Variants in STAB1 observed in about 807,000 individuals in gnomAD.
The protein encoded by STAB1 is stabilin 1.
In STAB1, 250 loss-of-function variants were observed where a neutral mutation model predicts 332.4. The ratio of observed to expected loss-of-function variants is 0.75; its 90% CI spans 0.68 to 0.84. The LOEUF (loss-of-function observed/expected upper bound fraction) is 0.84. STAB1 is among the 40% of genes least tolerant of loss of function. STAB1 has a pLI of 0.00. For missense variants in STAB1, 3,249 were observed against 3,489.7 expected (o/e 0.93, Z 1.74); for synonymous variants, 1,475 against 1,390.4 (o/e 1.06, Z -1.35).
At chr3:52,521,286 T>C in intron 55 of STAB1, 75 bp from the exon 56 acceptor site, 2 of 1,593,588 alleles carry the variant, frequency 1.3e-6, no homozygotes, top group Non-Finnish European at 1.7e-6. Flanking sequence ...ATGGCAGGGC[T>C]AGGCTGGAGG....
chr3:52,509,266 C>G lies in STAB1; in HGVS notation c.2292C>G (p.Gly764=), dbSNP rs755583237. 3.7e-6 allele frequency: 6 copies of G among 1,613,452 alleles called. No homozygotes were observed. The African/African-American group carries it at 8.0e-5, about 21-fold the overall frequency. The change falls in exon 22 of 69, where the codon GGC becomes GGG. Residue 764 remains glycine (G), a synonymous_variant. Coordinates refer to ENST00000321725, the MANE Select transcript of STAB1 (RefSeq NM_015136.3). ...GCCTCTGCTTCCCAGACTACAAGGGCATCGCCTGCCACATCTGCTCGAACC... is the reference window on the plus strand; with the variant it reads ...GCCTCTGCTTCCCAGACTACAAGGGGATCGCCTGCCACATCTGCTCGAACC... ...GACLCFPDYK[G]IACHICSNPN...
intron 29 of STAB1, 64 bp from the exon 30 acceptor site, chr3:52,513,066 C>A: frequency 6.4e-7 from 1 of 1,555,034 alleles, no homozygotes; most frequent in Non-Finnish European, 8.7e-7. Flanking sequence ...TGGGCCCAGC[C>A]CCAAAGGTCT....
Position 52,522,162 on chromosome 3 carries a change from C to A in STAB1, c.6397C>A (p.Arg2133Ser). 1 of 1,612,752 alleles carries A rather than the reference C, an allele frequency of 6.2e-7. No individual in the cohort carries two copies. The highest frequency in any genetic ancestry group is 2.2e-5 in the East Asian group (1 of 44,894). Residue 2133 changes from arginine to serine, a missense_variant, in exon 59 of 69, where the codon CGC (arginine) becomes AGC (serine). Coordinates refer to ENST00000321725, the MANE Select transcript of STAB1 (RefSeq NM_015136.3). ...GGGTGATGGCTGGAGCTGCCGGGCC[C>A]GCAACCCCTGCACAGATGGCCACCG... is the stretch of plus-strand genomic sequence containing the variant. ...YEGDGWSCRA[R>S]NPCTDGHRGG...
rs116814767 is a variant in STAB1 at position 52,513,985 on chromosome 3, C to G, written c.3447+4C>G. ...CCTCTTCCGGGAATTGCTGCAGGTA[C>G]GGAAGGCTGGCAAGAGGGGATGTGC... On this transcript the variant is annotated splice_donor_region_variant and intron_variant, in intron 32 of 68. Coordinates refer to ENST00000321725, the MANE Select transcript of STAB1 (RefSeq NM_015136.3). 1 of 1,596,470 alleles carries G rather than the reference C, an allele frequency of 6.3e-7. No homozygotes were observed. The highest frequency in any genetic ancestry group is 1.1e-5 in the South Asian group (1 of 89,180).
At chr3:52,523,811 G>GC in intron 66 of STAB1, 55 bp downstream of exon 66, 1 of 1,584,156 alleles carries the variant, frequency 6.3e-7, no homozygotes, top group Non-Finnish European at 8.6e-7. Context: ...CAACCTGTGA[G>GC]CCCGGGGAAG....
At position 52,514,127 on chromosome 3, in the gene STAB1, G is replaced by A. The variant is rs368009163; in HGVS notation, c.3460G>A (p.Val1154Met). 3 of 1,613,240 alleles carry A rather than the reference G, an allele frequency of 1.9e-6. No homozygotes were observed. The African/African-American group carries it at 4.0e-5, about 22-fold the overall frequency. ...FRELLQHHGLVPQIEAATAYT... is the reference protein window; with the variant it reads ...FRELLQHHGLMPQIEAATAYT... The stretch of plus-strand genomic sequence containing the variant: ...ACCCCATCCCTAGCACCATGGGTTG[G>A]TGCCCCAGATTGAGGCTGCCACTGC... Residue 1154 changes from valine (V) to methionine (M), a missense_variant, in exon 33 of 69, where the codon GTG becomes ATG. Coordinates refer to ENST00000321725, the MANE Select transcript of STAB1 (RefSeq NM_015136.3).
In STAB1 at chr3:52,503,420, TCA is replaced by T. The variant is rs1390471827; in HGVS notation, c.773_774del (p.His258LeufsTer3). ...SVSPKGQAQCHCPENYHGDGM... is the reference protein window; with the variant it reads ...SVSPKGQAQCXCPENYHGDGM... ...TGAGCCCCAAGGGGCAGGCTCAGTG[TCA>T]CTGCCCTGAGAACTACCATGGCGAT... On this transcript the variant is annotated frameshift_variant, in exon 8 of 69. Transcript: ENST00000321725. LOFTEE classifies it high-confidence loss of function. 1 of 1,613,732 alleles carries T rather than the reference TCA, an allele frequency of 6.2e-7. No individual in the cohort carries two copies. Among genetic ancestry groups the T allele is most frequent in the Non-Finnish European group, 8.5e-7 (1 of 1,180,024 alleles).
Position 52,518,808 on chromosome 3 carries a change from T to C in STAB1, c.4973T>C (p.Leu1658Pro), listed in dbSNP as rs1164691919. The change falls in exon 48 of 69, where the codon CTG (leucine) becomes CCG (proline). Residue 1658 changes from leucine to proline, a missense_variant. Coordinates refer to ENST00000321725, the MANE Select transcript of STAB1 (RefSeq NM_015136.3). Reference protein sequence around the residue: ...VGCRRLRSEDLLEQGYATALS... With the variant: ...VGCRRLRSEDPLEQGYATALS... The stretch of plus-strand genomic sequence containing the variant: ...TGTCGGCGGCTGCGGAGCGAGGACC[T>C]GCTGGAGCAGGGGTACGCCACGGCC... The C allele has an allele frequency of 1.2e-6, 2 of 1,611,276 alleles. No homozygotes were observed. Among genetic ancestry groups the C allele is most frequent in the African/African-American group, 2.7e-5 (2 of 74,866 alleles).
chr3:52,523,738 C>A lies in STAB1; in HGVS notation c.7377C>A (p.Leu2459=). Residue 2459 remains leucine, a synonymous_variant, in exon 66 of 69, where the codon CTC becomes CTA. Transcript: ENST00000321725. ...TCATCCATGCTCTGGCCAGCCCCCTCCTGGCACCCCCACAGCCCGTGAGTT... is the reference window on the plus strand; with the variant it reads ...TCATCCATGCTCTGGCCAGCCCCCTACTGGCACCCCCACAGCCCGTGAGTT... ...NGIIHALASP[L]LAPPQPQAVL... 6.3e-7 allele frequency: 1 copy of A among 1,599,210 alleles called. No individual in the cohort carries two copies. Among genetic ancestry groups the A allele is most frequent in the Non-Finnish European group, 8.6e-7 (1 of 1,168,630 alleles).
intron 48 of STAB1, 102 bp from the exon 49 acceptor site, chr3:52,519,162 G>T: frequency 6.8e-7 from 1 of 1,478,990 alleles, no homozygotes. Flanking sequence ...GGGACTGCCT[G>T]CACCCTGACT....
chr3:52,506,476 C>T (rs1708875514), intron 17 of STAB1, among the ~76,000 whole-genome samples: 1 of 152,230 alleles, frequency 6.6e-6, no homozygotes. Context: ...GGTAGGGCTG[C>T]CCCATGTGGC....
intron 30 of STAB1, among the ~76,000 whole-genome samples, chr3:52,513,501 T>C (rs984986788): frequency 6.6e-6 from 1 of 152,106 alleles, no homozygotes; most frequent in Non-Finnish European, 1.5e-5. Flanking sequence ...CCACGGGCCC[T>C]GGGGAGGGTC....
intron 20 of STAB1, 46 bp downstream of exon 20, chr3:52,508,072 G>C (rs746715945): frequency 8.8e-6 from 14 of 1,584,966 alleles, no homozygotes; most frequent in Middle Eastern, 1.7e-4. Context: ...CTGGGCACCT[G>C]CTGTTCCTCG....
intron 25 of STAB1, 131 bp from the exon 26 acceptor site, chr3:52,511,519 G>A: frequency 2.9e-6 from 2 of 689,962 alleles, no homozygotes; most frequent in African/African-American, 1.8e-5. Context: ...CTGAGAGGAG[G>A]GCTGGGAGAA....
At position 52,506,693 on chromosome 3, in the gene STAB1, G is replaced by A; in HGVS notation, c.1832G>A (p.Gly611Glu). The A allele has an allele frequency of 6.2e-7, 1 of 1,608,830 alleles. No homozygotes were observed. The highest frequency in any genetic ancestry group is 8.5e-7 in the Non-Finnish European group (1 of 1,178,032). The change falls in exon 18 of 69, where the codon GGG (glycine) becomes GAG (glutamate). Residue 611 changes from glycine to glutamate, a missense_variant and splice_region_variant. Transcript: ENST00000321725. ...QVLAVNISEE[G>E]RILLGPEGVP... ...TGGCTCAGTGGGTCTCTGCCGCAGG[G>A]GCGCATCCTGCTGGGACCCGAGGGG...
intron 43 of STAB1, 35 bp downstream of exon 43, chr3:52,517,428 C>A: frequency 6.3e-7 from 1 of 1,579,700 alleles, no homozygotes; most frequent in South Asian, 1.2e-5. Flanking sequence ...GGGCATCATG[C>A]CATGCCCTCA....
Position 52,522,815 on chromosome 3 carries a change from G to C in STAB1, c.6785G>C (p.Gly2262Ala), listed in dbSNP as rs757667422. 1.2e-6 allele frequency: 2 copies of C among 1,613,290 alleles called. No homozygotes were observed. Residue 2262 changes from glycine (G) to alanine (A), a missense_variant, in exon 62 of 69, where the codon GGC (glycine) becomes GCC (alanine). Gly to Ala is a moderately conservative substitution (Grantham distance 60, BLOSUM62 0). Transcript: ENST00000321725. Reference protein sequence around the residue: ...HLCLMGWLANGSTAHPVVFPV... With the variant: ...HLCLMGWLANASTAHPVVFPV... ...TGCCTCATGGGCTGGCTGGCCAATG[G>C]CTCCACTGCCCACCCTGTGGTTTTC...
chr3:52,523,232 G>C lies in STAB1; in HGVS notation c.7031G>C (p.Gly2344Ala). The C allele has an allele frequency of 6.2e-7, 1 of 1,613,216 alleles. No individual in the cohort carries two copies. Among genetic ancestry groups the C allele is most frequent in the East Asian group, 2.2e-5 (1 of 44,880 alleles). ...TTTCCACCGTGCCAGATGCTATTGG[G>C]CTATGCCAATGCCACCCAGCGGGGT... is the stretch of plus-strand genomic sequence containing the variant. ...NFSTFYGMLL[G>A]YANATQRGLD... Residue 2344 changes from glycine (G) to alanine (A), a missense_variant, in exon 64 of 69, where the codon GGC becomes GCC. By Grantham distance (60) the Gly-to-Ala change is moderately conservative. Transcript: ENST00000321725.
intron 32 of STAB1, 53 bp downstream of exon 32, chr3:52,514,034 A>G: frequency 1.3e-6 from 2 of 1,592,290 alleles, no homozygotes; most frequent in South Asian, 2.2e-5. Context: ...ACTGTGCCCC[A>G]GGTCCAGAGG....
Sources: allele counts gnomAD v4.1 joint callset (sites outside exome capture counted in the v4.1 genomes callset), GRCh38; gene constraint gnomAD v4.1.1; transcripts MANE v1.5; gene names NCBI Gene and HGNC (gene_info 2026-07-23, HGNC 2026-07-21).